The following CADM2 variants were observed in gnomAD, a reference collection of about 807,000 sequenced individuals.
The protein encoded by CADM2 is immunoglobulin superfamily member 4D.
CADM2 carries 12 observed loss-of-function variants against 49.8 expected under a neutral mutation model. The ratio of observed to expected loss-of-function variants is 0.24; its 90% CI spans 0.15 to 0.39. CADM2 has a LOEUF of 0.39. CADM2 is among the 10% of genes least tolerant of loss of function. The pLI is 1.00. For missense variants in CADM2, 378 were observed against 492.3 expected (o/e 0.77, Z 2.20); for synonymous variants, 214 against 175.4 (o/e 1.22, Z -1.74).
At chr3:85,922,123 T>C (rs1422458272) in intron 6 of CADM2, among the ~76,000 whole-genome samples, 1 of 151,798 alleles carries the variant, frequency 6.6e-6, no homozygotes, top group Non-Finnish European at 1.5e-5. Flanking sequence ...TCCTTCTTCT[T>C]CTCCTCCTTC....
chr3:86,059,400 C>G (rs1412148930), intron 8 of CADM2, among the ~76,000 whole-genome samples: 2 of 152,078 alleles, frequency 1.3e-5, no homozygotes, highest in East Asian at 3.9e-4. Flanking sequence ...ACATAATTTT[C>G]TCTTTGGAGT....
intron 1 of CADM2, among the ~76,000 whole-genome samples, chr3:85,411,812 C>A (rs1459868716): frequency 6.6e-6 from 1 of 152,034 alleles, no homozygotes; most frequent in African/African-American, 2.4e-5. Context: ...TTAAAAGCAT[C>A]ATTTCATGAA....
At chr3:85,898,163 T>C (rs1400690056) in intron 5 of CADM2, among the ~76,000 whole-genome samples, 1 of 152,192 alleles carries the variant, frequency 6.6e-6, no homozygotes, top group African/African-American at 2.4e-5. Flanking sequence ...GATACATAAG[T>C]CACTCTATAG....
intron 3 of CADM2, among the ~76,000 whole-genome samples, chr3:85,857,200 G>T (rs144859079): frequency 1.4e-4 from 21 of 152,054 alleles, no homozygotes; most frequent in African/African-American, 5.1e-4. Flanking sequence ...ATCACCTAAA[G>T]GCCCTACTTC....
chr3:85,286,017 G>T (rs1441588379), intron 1 of CADM2, among the ~76,000 whole-genome samples: 4 of 152,070 alleles, frequency 2.6e-5, no homozygotes, highest in Non-Finnish European at 4.4e-5. Flanking sequence ...GACTTTGAAG[G>T]CTTCTCTAGG....
At chr3:85,593,929 C>A (rs2063176334) in intron 1 of CADM2, among the ~76,000 whole-genome samples, 2 of 151,114 alleles carry the variant, frequency 1.3e-5, no homozygotes. Flanking sequence ...AATCATTAGA[C>A]AAATTAATAT....
chr3:85,629,726 A>T (rs1337374980), intron 1 of CADM2, among the ~76,000 whole-genome samples: 1 of 152,052 alleles, frequency 6.6e-6, no homozygotes, highest in Admixed American at 6.6e-5. Flanking sequence ...GAAGTTACCC[A>T]TAAGTCAGCC....
At chr3:85,639,256 G>A (rs546856439) in intron 1 of CADM2, among the ~76,000 whole-genome samples, 1 of 152,168 alleles carries the variant, frequency 6.6e-6, no homozygotes, top group Non-Finnish European at 1.5e-5. Context: ...AAGATAATAG[G>A]TGAATGTCTT....
chr3:85,501,715 G>A (rs978810754), intron 1 of CADM2, among the ~76,000 whole-genome samples: 4 of 151,718 alleles, frequency 2.6e-5, no homozygotes, highest in African/African-American at 4.8e-5. Context: ...GTATATATAC[G>A]CACATATATA....
At chr3:85,983,490 G>A (rs938337450) in intron 8 of CADM2, among the ~76,000 whole-genome samples, 3 of 151,584 alleles carry the variant, frequency 2.0e-5, no homozygotes, top group Non-Finnish European at 3.0e-5. Flanking sequence ...ATGAAGCACA[G>A]GTTTGACTTG....
At chr3:85,017,630 C>T (rs1350158703) in intron 1 of CADM2, among the ~76,000 whole-genome samples, 4 of 152,144 alleles carry the variant, frequency 2.6e-5, no homozygotes, top group East Asian at 1.9e-4. Flanking sequence ...CTGCCAACCA[C>T]GCTTTCATAC....
At chr3:85,278,367 C>A (rs1214995431) in intron 1 of CADM2, among the ~76,000 whole-genome samples, 1 of 151,200 alleles carries the variant, frequency 6.6e-6, no homozygotes. Flanking sequence ...GTCTCTTAGC[C>A]GTTATAAACT....
intron 8 of CADM2, among the ~76,000 whole-genome samples, chr3:86,022,701 G>C (rs879535492): frequency 1.3e-5 from 2 of 151,988 alleles, no homozygotes; most frequent in Non-Finnish European, 2.9e-5. Context: ...CATGCACTTA[G>C]AGAGCGTCCT....
intron 1 of CADM2, among the ~76,000 whole-genome samples, chr3:85,121,385 T>C (rs1056164024): frequency 6.6e-6 from 1 of 152,174 alleles, no homozygotes; most frequent in Non-Finnish European, 1.5e-5. Flanking sequence ...AATTATTACA[T>C]ATTCCTGTAT....
chr3:85,627,111 T>TA (rs1362439231), intron 1 of CADM2, among the ~76,000 whole-genome samples: 3 of 151,972 alleles, frequency 2.0e-5, no homozygotes, highest in African/African-American at 7.2e-5. Context: ...ATTTTTTTTT[T>TA]AAAAATTCCT....
At chr3:85,469,570 C>G (rs866174345) in intron 1 of CADM2, among the ~76,000 whole-genome samples, 8 of 152,068 alleles carry the variant, frequency 5.3e-5, no homozygotes, top group African/African-American at 1.9e-4. Context: ...CCTCTAGGAA[C>G]TTTGTAAGCA....
At chr3:85,025,842 T>A (rs2107307236) in intron 1 of CADM2, among the ~76,000 whole-genome samples, 1 of 152,228 alleles carries the variant, frequency 6.6e-6, no homozygotes, top group South Asian at 2.1e-4. Flanking sequence ...ATTTCTAGAA[T>A]TCAGGAGATG....
At chr3:85,878,680 T>C (rs942154286) in intron 3 of CADM2, among the ~76,000 whole-genome samples, 8 of 152,108 alleles carry the variant, frequency 5.3e-5, no homozygotes, top group Admixed American at 1.3e-4. Context: ...GTCTTTTGAT[T>C]TCAAATCAGT....
At chr3:85,486,650 T>TATTCTATTCTATTATAATCAAA (rs2039428409) in intron 1 of CADM2, among the ~76,000 whole-genome samples, 1 of 152,094 alleles carries the variant, frequency 6.6e-6, no homozygotes, top group Non-Finnish European at 1.5e-5. Flanking sequence ...ATTATAAAGG[T>TATTCTATTCTATTATAATCAAA]TCCCAACAGA....
Sources: gnomAD v4.1 joint callset for allele counts (sites outside exome capture counted in the v4.1 genomes callset) on GRCh38, gnomAD v4.1.1 for gene constraint, MANE v1.5 for transcripts, NCBI Gene and HGNC (gene_info 2026-07-23, HGNC 2026-07-21) for gene names.